The following MYO5B variants were observed in gnomAD, a reference collection of about 807,000 sequenced individuals.
MYO5B encodes the protein myosin VB.
In MYO5B, 143 loss-of-function variants were observed where a neutral mutation model predicts 229.3. The observed-to-expected ratio is 0.62, with a 90% CI of 0.54 to 0.72. The LOEUF (loss-of-function observed/expected upper bound fraction) is 0.72. MYO5B is among the 30% of genes least tolerant of loss of function. MYO5B has a pLI of 0.00. For synonymous variants in MYO5B, 918 were observed against 885.2 expected, an observed-to-expected ratio of 1.04 and a Z score of -0.66; for missense variants, 2,321 against 2,331.0, an observed-to-expected ratio of 1.00 and a Z score of 0.09.
At chr18:49,879,938 A>G (rs1228305) in intron 23 of MYO5B, among the ~76,000 whole-genome samples, 122,756 of 152,226 alleles carry the variant, frequency 0.81, 49,687 homozygotes, top group East Asian at 0.95. Context: ...GAAACCCAGC[A>G]ATGACGACAG....
chr18:50,189,349 C>A (rs1305478535), intron 1 of MYO5B, among the ~76,000 whole-genome samples: 1 of 152,164 alleles, frequency 6.6e-6, no homozygotes, highest in Admixed American at 6.5e-5. Flanking sequence ...AAGTCCCAAG[C>A]ATGGTAACTT....
At chr18:50,019,053 G>A (rs933950320) in intron 4 of MYO5B, among the ~76,000 whole-genome samples, 1 of 152,092 alleles carries the variant, frequency 6.6e-6, no homozygotes, top group Non-Finnish European at 1.5e-5. Context: ...ACACTCCAGA[G>A]CCATTTATTA....
At chr18:49,973,722 T>C (rs557928810) in intron 10 of MYO5B, among the ~76,000 whole-genome samples, 1 of 152,258 alleles carries the variant, frequency 6.6e-6, no homozygotes, top group African/African-American at 2.4e-5. Flanking sequence ...ACTCAGCTGG[T>C]TGGTGACAGT....
Position 49,880,471 on chromosome 18 carries a change from AG to A in MYO5B, c.3046-17del. On this transcript the variant is annotated splice_polypyrimidine_tract_variant and intron_variant, in intron 22 of 39. Transcript: ENST00000285039. ...CTGCAACTCGCTGGAAGAGAGCAATAGGGGAAAAATGTCTCATGATGCTGGG... is the reference window on the plus strand; with the variant it reads ...CTGCAACTCGCTGGAAGAGAGCAATAGGGAAAAATGTCTCATGATGCTGGG... The A allele has an allele frequency of 6.2e-7, 1 of 1,605,052 alleles. No individual in the cohort carries two copies. Among genetic ancestry groups the A allele is most frequent in the Non-Finnish European group, 8.5e-7 (1 of 1,171,804 alleles).
chr18:50,002,960 T>C (rs1188740343), intron 4 of MYO5B, among the ~76,000 whole-genome samples: 3 of 152,132 alleles, frequency 2.0e-5, no homozygotes, highest in African/African-American at 7.2e-5. Context: ...GAGTAGGCCA[T>C]AGCTTATCAG....
At chr18:49,978,719 A>G (rs1191707852) in intron 9 of MYO5B, among the ~76,000 whole-genome samples, 1 of 150,224 alleles carries the variant, frequency 6.7e-6, no homozygotes, top group Admixed American at 6.6e-5. Context: ...ACACACACAC[A>G]CACACACACA....
chr18:49,906,486 T>C lies in MYO5B; in HGVS notation c.2347A>G (p.Lys783Glu). 1 of 1,614,192 alleles carries C rather than the reference T, an allele frequency of 6.2e-7. No homozygotes were observed. The stretch of plus-strand genomic sequence containing the variant: ...GTAGCCCCCTTCAGCCTGTGATATT[T>C]CACCTTCTGCAGCCATCCCCGGACA... ...KTVRGWLQKVKYHRLKGATLT... is the reference protein window; with the variant it reads ...KTVRGWLQKVEYHRLKGATLT... The change falls in exon 19 of 40, where the codon AAA becomes GAA. Residue 783 changes from lysine to glutamate, a missense_variant. Around this residue, in one of 2 missense-constraint regions of MYO5B, gnomAD observed 2,113 missense variants for 2,044.7 expected, o/e 1.03. Coordinates refer to ENST00000285039, the MANE Select transcript of MYO5B (RefSeq NM_001080467.3).
rs138949820 is a variant in MYO5B, at chr18:49,907,540, A to T, written c.2203-910T>A. ...ATGATGACAGAGCTCTTTGTAAATCAACTGCCATCTCATTTTGCTCACTGG... is the reference window on the plus strand; with the variant it reads ...ATGATGACAGAGCTCTTTGTAAATCTACTGCCATCTCATTTTGCTCACTGG... On this transcript the variant is annotated intron_variant, in intron 18 of 39. Transcript: ENST00000285039. 3.0e-3 allele frequency among the ~76,000 whole-genome samples: 450 copies of T among 152,326 alleles called. 4 individuals are homozygous for T. The highest frequency in any genetic ancestry group is 9.3e-3 in the African/African-American group (387 of 41,568).
chr18:50,140,293 AAC>A (rs1187597877), intron 1 of MYO5B, among the ~76,000 whole-genome samples: 1 of 152,256 alleles, frequency 6.6e-6, no homozygotes, highest in Non-Finnish European at 1.5e-5. Flanking sequence ...CAAGGAAAGC[AAC>A]ACATTATCTT....
At chr18:49,869,161 C>T (rs145265378) in intron 27 of MYO5B, among the ~76,000 whole-genome samples, 2 of 152,306 alleles carry the variant, frequency 1.3e-5, no homozygotes, top group African/African-American at 4.8e-5. Flanking sequence ...GGGCACAGTA[C>T]ACTTCCCATC....
At chr18:50,167,297 G>A (rs1276812886) in intron 1 of MYO5B, among the ~76,000 whole-genome samples, 2 of 152,216 alleles carry the variant, frequency 1.3e-5, no homozygotes, top group East Asian at 3.8e-4. Flanking sequence ...AATGTGCTGG[G>A]TGCTTTCACA....
At chr18:50,003,967 A>C (rs2026074530) in intron 4 of MYO5B, among the ~76,000 whole-genome samples, 1 of 152,196 alleles carries the variant, frequency 6.6e-6, no homozygotes, top group African/African-American at 2.4e-5. Context: ...CACACACAGG[A>C]TGCTGGACTA....
In MYO5B at chr18:50,194,957, G is replaced by T; in HGVS notation, c.-164C>A. The T allele has an allele frequency of 2.9e-6, 3 of 1,047,852 alleles. No homozygotes were observed. Among genetic ancestry groups the T allele is most frequent in the Middle Eastern group, 3.6e-4 (1 of 2,768 alleles). 64.9% of individuals were successfully genotyped at this position (1,047,852 alleles called of 1,614,324 possible). ...CGGCTTCCCGCAGGCGCCGCGGCCG[G>T]CTCGCTCCCGGCGGCGCGACCTTTA... On this transcript the variant is annotated 5_prime_UTR_variant, in exon 1 of 40. Coordinates refer to ENST00000285039, the MANE Select transcript of MYO5B (RefSeq NM_001080467.3).
chr18:50,155,572 C>G (rs1705511), intron 1 of MYO5B, among the ~76,000 whole-genome samples: 68,519 of 152,056 alleles, frequency 0.45, 15,978 homozygotes, highest in Admixed American at 0.58. Context: ...ACCTGACTCT[C>G]AATTTAGTCA....
intron 1 of MYO5B, among the ~76,000 whole-genome samples, chr18:50,145,179 A>G (rs1010465897): frequency 6.6e-6 from 1 of 152,144 alleles, no homozygotes; most frequent in Admixed American, 6.6e-5. Flanking sequence ...CTGGGTGTCT[A>G]TAGAAGTTTT....
In MYO5B at chr18:49,841,556, C is replaced by T. The variant is rs994785919; in HGVS notation, c.4612-102G>A. On this transcript the variant is annotated intron_variant, in intron 34 of 39. Transcript: ENST00000285039. The stretch of plus-strand genomic sequence containing the variant: ...ACATTTCCTACCCTTACCTAGTGTT[C>T]CTGAGCAGCCCTGAGGCTGGGCAGG... The T allele has an allele frequency of 3.6e-5, 38 of 1,044,534 alleles. No individual in the cohort carries two copies. The African/African-American group carries it at 5.8e-4, about 16-fold the overall frequency. The allele number at this position is 1,044,534 out of a possible 1,614,324, so 64.7% of individuals were successfully genotyped here. A position where few individuals can be genotyped will look rare whatever the true frequency, so the allele number is the denominator to read the frequency against.
chr18:49,866,455 T>C (rs890224798), intron 27 of MYO5B, among the ~76,000 whole-genome samples: 1 of 152,140 alleles, frequency 6.6e-6, no homozygotes, highest in African/African-American at 2.4e-5. Context: ...TCTCGAGAAC[T>C]TTTTCACCTT....
At chr18:50,165,231 C>G (rs2032827871) in intron 1 of MYO5B, among the ~76,000 whole-genome samples, 1 of 151,564 alleles carries the variant, frequency 6.6e-6, no homozygotes, top group African/African-American at 2.4e-5. Context: ...GTAATCAATC[C>G]CAGGACTCTG....
At chr18:50,150,790 A>T (rs2144302963) in intron 1 of MYO5B, among the ~76,000 whole-genome samples, 1 of 152,306 alleles carries the variant, frequency 6.6e-6, no homozygotes, top group East Asian at 1.9e-4. Flanking sequence ...ATATGTAACT[A>T]ACCTGCACAT....
Sources: allele counts gnomAD v4.1 joint callset (sites outside exome capture counted in the v4.1 genomes callset), GRCh38; gene constraint gnomAD v4.1.1; regional missense constraint gnomAD v4.1.1; transcripts MANE v1.5; gene names NCBI Gene and HGNC (gene_info 2026-07-23, HGNC 2026-07-21).